The following ATP2A1 variants were observed in gnomAD, a reference collection of about 807,000 sequenced individuals.
The protein encoded by ATP2A1 is ATPase sarcoplasmic/endoplasmic reticulum Ca2+ transporting 1, also known as sarcoplasmic/endoplasmic reticulum calcium ATPase 1.
A neutral mutation model predicts 109.5 loss-of-function variants in ATP2A1; 83 were observed. The ratio of observed to expected loss-of-function variants is 0.76; its 90% CI spans 0.63 to 0.91. The LOEUF (loss-of-function observed/expected upper bound fraction) is 0.91, where lower values mean the gene tolerates loss of function less well. Among genes scored for constraint, ATP2A1 ranks in the 40% least tolerant of loss-of-function variants. ATP2A1 has a pLI of 0.00. For missense variants in ATP2A1, 1,101 were observed against 1,341.0 expected (o/e 0.82, Z 2.80); for synonymous variants, 505 against 537.6 (o/e 0.94, Z 0.84).
chr16:28,887,344 G>T, intron 7 of ATP2A1, 70 bp downstream of exon 7: 1 of 1,612,092 alleles, frequency 6.2e-7, no homozygotes, highest in Non-Finnish European at 8.5e-7. Context: ...GAAACATGGC[G>T]TGTGAGAAGA....
Position 28,894,960 on chromosome 16 carries a change from C to G in ATP2A1, c.1419+7C>G, listed in dbSNP as rs1299202142. On this transcript the variant is annotated splice_region_variant and intron_variant, in intron 12 of 22. Coordinates refer to ENST00000395503, the MANE Select transcript of ATP2A1 (RefSeq NM_004320.6). ...AGCCAACGCCTGCAACTCGGTGAGC[C>G]TGCGGAGCCCCTGCCACAGGGCCGT... 4 of 1,610,506 alleles carry G rather than the reference C, an allele frequency of 2.5e-6. No individual in the cohort carries two copies. The highest frequency in any genetic ancestry group is 3.4e-6 in the Non-Finnish European group (4 of 1,179,984).
At position 28,901,911 on chromosome 16, in the gene ATP2A1, G is replaced by T. The variant is rs369026695; in HGVS notation, c.2149G>T (p.Gly717Cys). 5 of 1,614,112 alleles carry T rather than the reference G, an allele frequency of 3.1e-6. No homozygotes were observed. Among genetic ancestry groups the T allele is most frequent in the Non-Finnish European group, 4.2e-6 (5 of 1,180,034 alleles). The change falls in exon 16 of 23, where the codon GGC becomes TGC. Residue 717 changes from glycine to cysteine, a missense_variant. Gly to Cys is a radical substitution (Grantham distance 159). Coordinates refer to ENST00000395503, the MANE Select transcript of ATP2A1 (RefSeq NM_004320.6). ...CCCTGCCCTGAAGAAGGCTGAGATT[G>T]GCATTGCCATGGGATCTGGCACTGC... ...DAPALKKAEI[G>C]IAMGSGTAVA...
intron 8 of ATP2A1, 65 bp from the exon 9 acceptor site, chr16:28,888,722 C>T (rs1963686678): frequency 1.9e-6 from 3 of 1,572,250 alleles, no homozygotes; most frequent in South Asian, 1.1e-5. Flanking sequence ...ACTATTTAGC[C>T]CCTTGCAGGT....
intron 9 of ATP2A1, among the ~76,000 whole-genome samples, chr16:28,891,674 C>G (rs1393997661): frequency 6.7e-6 from 1 of 149,834 alleles, no homozygotes; most frequent in African/African-American, 2.5e-5. Context: ...GACGGATTAC[C>G]TGAGGTCAGC....
intron 12 of ATP2A1, among the ~76,000 whole-genome samples, chr16:28,897,571 C>T (rs569182297): frequency 5.8e-4 from 89 of 152,166 alleles, no homozygotes; most frequent in African/African-American, 1.8e-3. Context: ...GACGGAGTCT[C>T]GCTTTGTCGC....
At chr16:28,891,297 G>A (rs925913677) in intron 9 of ATP2A1, among the ~76,000 whole-genome samples, 7 of 146,824 alleles carry the variant, frequency 4.8e-5, no homozygotes, top group East Asian at 2.1e-4. Context: ...ACTCCATCTC[G>A]AAAAAAAATA....
In ATP2A1 at chr16:28,880,092, C is replaced by A; in HGVS notation, c.219+509C>A. On this transcript the variant is annotated intron_variant, in intron 3 of 22. Transcript: ENST00000395503. This position sits in a 1 kb window ranked among gnomAD's most constrained non-coding sequence, Gnocchi z 4.2. ...ATGATGACTCCAAGGAGCCCGGCGCCCGGTCAGGGAGGGCACTGGCATCCC... is the reference window on the plus strand; with the variant it reads ...ATGATGACTCCAAGGAGCCCGGCGCACGGTCAGGGAGGGCACTGGCATCCC... The A allele has an allele frequency of 1.0e-6, 1 of 996,670 alleles. No homozygotes were observed. Among genetic ancestry groups the A allele is most frequent in the Non-Finnish European group, 1.2e-6 (1 of 838,884 alleles). 61.7% of individuals were successfully genotyped at this position (996,670 alleles called of 1,614,324 possible). A position where few individuals can be genotyped will look rare whatever the true frequency, so the allele number is the denominator to read the frequency against.
At position 28,903,075 on chromosome 16, in the gene ATP2A1, C is replaced by T. The variant is rs770357990; in HGVS notation, c.2790C>T (p.Asn930=). 1.2e-6 allele frequency: 2 copies of T among 1,613,854 alleles called. No individual in the cohort carries two copies. The highest frequency in any genetic ancestry group is 1.7e-5 in the Admixed American group (1 of 60,014). The change falls in exon 20 of 23, where the codon AAC becomes AAT. Residue 930 remains asparagine (N), a synonymous_variant. Transcript: ENST00000395503. This position sits in a 1 kb window ranked among gnomAD's most constrained non-coding sequence, Gnocchi z 5.6. ...TGCTGCGGATGCCACCCTGGGTGAA[C>T]ATCTGGCTGCTGGGCTCCATCTGCC... ...QSLLRMPPWV[N]IWLLGSICLS...
chr16:28,898,591 C>A lies in ATP2A1; in HGVS notation c.1764+140C>A. ...CTCCTTAGTACAGGCCATGGAATCA[C>A]AGGACAGTAGAGTTTCAGAGAACCT... On this transcript the variant is annotated intron_variant, in intron 14 of 22. Transcript: ENST00000395503. This position sits in a 1 kb window ranked among gnomAD's most constrained non-coding sequence, Gnocchi z 4.0. The A allele has an allele frequency of 9.7e-7, 1 of 1,032,770 alleles. No individual in the cohort carries two copies. The allele number at this position is 1,032,770 out of a possible 1,614,324, so 64.0% of individuals were successfully genotyped here.
intron 9 of ATP2A1, among the ~76,000 whole-genome samples, chr16:28,891,924 T>C (rs891747193): frequency 1.3e-5 from 2 of 151,446 alleles, no homozygotes; most frequent in African/African-American, 4.9e-5. Flanking sequence ...AAAAAAAAAA[T>C]ACATAGGAAA....
intron 4 of ATP2A1, chr16:28,881,527 A>G: frequency 4.3e-6 from 1 of 234,740 alleles, no homozygotes; most frequent in Non-Finnish European, 8.5e-6. Flanking sequence ...GTTTCTGAAC[A>G]CTGAGGATAG....
rs202142809 is a variant in ATP2A1 at position 28,902,117 on chromosome 16, G to A, written c.2321+34G>A. ...CTGGGTGGGCGTCCAGGAGGAAGCC[G>A]GGGTTAGGGTGGGGTGGCTGCAGGT... On this transcript the variant is annotated intron_variant, in intron 16 of 22. Coordinates refer to ENST00000395503, the MANE Select transcript of ATP2A1 (RefSeq NM_004320.6). The surrounding 1 kb of genome is among the most constrained non-coding windows in gnomAD (Gnocchi z 4.8). 3.7e-5 allele frequency: 60 copies of A among 1,613,992 alleles called. No individual in the cohort carries two copies. The African/African-American group carries it at 4.4e-4, about 12-fold the overall frequency.
intron 9 of ATP2A1, among the ~76,000 whole-genome samples, chr16:28,890,517 C>T (rs376698327): frequency 1.3e-5 from 2 of 150,206 alleles, no homozygotes; most frequent in South Asian, 2.1e-4. Context: ...GGGCTAGGTA[C>T]GGTGGCTCAC....
chr16:28,902,672 G>A lies in ATP2A1; in HGVS notation c.2610+7G>A, dbSNP rs763157915. 3 of 1,614,052 alleles carry A rather than the reference G, an allele frequency of 1.9e-6. No homozygotes were observed. The highest frequency in any genetic ancestry group is 2.2e-5 in the South Asian group (2 of 91,076). On this transcript the variant is annotated splice_region_variant and intron_variant, in intron 18 of 22. Coordinates refer to ENST00000395503, the MANE Select transcript of ATP2A1 (RefSeq NM_004320.6). This position sits in a 1 kb window ranked among gnomAD's most constrained non-coding sequence, Gnocchi z 4.8. ...TGTCAACTACAGCCAGCTGGTAGGGGGAGGCCACAAAGGAGGGGACCAGGA... is the reference window on the plus strand; with the variant it reads ...TGTCAACTACAGCCAGCTGGTAGGGAGAGGCCACAAAGGAGGGGACCAGGA...
In ATP2A1 at chr16:28,901,992, G is replaced by A. The variant is rs866421756; in HGVS notation, c.2230G>A (p.Val744Ile). The A allele has an allele frequency of 1.5e-5, 24 of 1,614,196 alleles. No homozygotes were observed. The highest frequency in any genetic ancestry group is 2.2e-5 in the East Asian group (1 of 44,882). The change falls in exon 16 of 23, where the codon GTA becomes ATA. Residue 744 changes from valine (V) to isoleucine (I), a missense_variant. By Grantham distance (29) the Val-to-Ile change is conservative. Transcript: ENST00000395503. ...VLADDNFSTI[V>I]AAVEEGRAIY... ...GGCTGACGACAACTTCTCCACCATC[G>A]TAGCTGCTGTGGAGGAGGGCCGCGC...
chr16:28,902,784 T>A lies in ATP2A1; in HGVS notation c.2617T>A (p.Phe873Ile), dbSNP rs1332859192. ...TCCCGTACCTTCCCTGCAGACTCAC[T>A]TCATGCAGTGCACCGAGGACAACAC... ...PHVNYSQLTH[F>I]MQCTEDNTHF... is the part of the protein sequence containing the mutation. The change falls in exon 19 of 23, where the codon TTC (phenylalanine) becomes ATC (isoleucine). Residue 873 changes from phenylalanine to isoleucine, a missense_variant. By Grantham distance (21) the Phe-to-Ile change is conservative. Transcript: ENST00000395503. This position sits in a 1 kb window ranked among gnomAD's most constrained non-coding sequence, Gnocchi z 4.8. The A allele has an allele frequency of 1.2e-6, 2 of 1,613,570 alleles. No homozygotes were observed. The highest frequency in any genetic ancestry group is 3.3e-5 in the Admixed American group (2 of 59,956).
At chr16:28,885,530 G>A (rs1963593006) in intron 6 of ATP2A1, among the ~76,000 whole-genome samples, 1 of 151,902 alleles carries the variant, frequency 6.6e-6, no homozygotes, top group Non-Finnish European at 1.5e-5. Context: ...TTTTAGTAGA[G>A]ACAGGGTTTT....
rs74014811 is a variant in ATP2A1, at chr16:28,882,906, C to A, written c.463+317C>A. Among the ~76,000 whole-genome samples, 4,553 of 152,324 alleles carry A rather than the reference C, an allele frequency of 0.03. 240 individuals are homozygous for A. Among genetic ancestry groups the A allele is most frequent in the African/African-American group, 0.11 (4,388 of 41,566 alleles). On this transcript the variant is annotated intron_variant, in intron 5 of 22. Coordinates refer to ENST00000395503, the MANE Select transcript of ATP2A1 (RefSeq NM_004320.6). ...CCAATGGCCCCGTCTCCACCCCCTC[C>A]CGGGCCTGGCTTCCCCCTCCTTCCA...
rs574596600 is a variant in ATP2A1, at chr16:28,904,158, TC to T, written c.*38-19del. 2.0e-4 allele frequency: 314 copies of T among 1,601,484 alleles called. 5 individuals are homozygous for T. The South Asian group carries it at 3.3e-3, about 17-fold the overall frequency. Reference sequence around the variant, plus strand: ...CGCTGCCCTCCTGCCGCCTGCCTCATCCCTTCTCTTTCCCCTTCCAGATCCA... The same window carrying T: ...CGCTGCCCTCCTGCCGCCTGCCTCATCCTTCTCTTTCCCCTTCCAGATCCA... On this transcript the variant is annotated intron_variant, in intron 22 of 22. Coordinates refer to ENST00000395503, the MANE Select transcript of ATP2A1 (RefSeq NM_004320.6).
Sources: allele counts gnomAD v4.1 joint callset (sites outside exome capture counted in the v4.1 genomes callset), GRCh38; gene constraint gnomAD v4.1.1; non-coding constraint Gnocchi (gnomAD v3.1); transcripts MANE v1.5; gene names NCBI Gene and HGNC (gene_info 2026-07-23, HGNC 2026-07-21).